PDSS2: variants seen among roughly 807,000 people sequenced by gnomAD.
PDSS2 encodes all trans-polyprenyl-diphosphate synthase PDSS2.
Under a neutral mutation model 44.5 loss-of-function variants are expected in PDSS2, and 31 were observed. The ratio of observed to expected loss-of-function variants is 0.70; its 90% CI spans 0.52 to 0.94. The LOEUF (loss-of-function observed/expected upper bound fraction) is 0.94, where lower values mean the gene tolerates loss of function less well. Ranked by LOEUF, PDSS2 falls within the 40% of genes least tolerant of loss-of-function variation. The pLI, the probability that PDSS2 is intolerant of heterozygous loss-of-function variation, is 0.00. For synonymous variants in PDSS2, 157 were observed against 180.3 expected (o/e 0.87, Z 1.03); for missense variants, 452 against 482.2 (o/e 0.94, Z 0.59).
chr6:107,350,008 C>G (rs755283276), intron 1 of PDSS2, among the ~76,000 whole-genome samples: 2 of 152,170 alleles, frequency 1.3e-5, no homozygotes, highest in Non-Finnish European at 2.9e-5. Flanking sequence ...ATGGCCTTTA[C>G]AATTTCGAAA....
intron 1 of PDSS2, among the ~76,000 whole-genome samples, chr6:107,424,544 G>C (rs1780929206): frequency 6.6e-6 from 1 of 151,830 alleles, no homozygotes; most frequent in South Asian, 2.1e-4. Context: ...TCAACACTTA[G>C]CTATTATTTC....
intron 7 of PDSS2, among the ~76,000 whole-genome samples, chr6:107,160,075 G>C (rs1554246453): frequency 1.3e-5 from 2 of 152,192 alleles, no homozygotes; most frequent in South Asian, 2.1e-4. Context: ...AATTAGCTGG[G>C]CATGGTGCCG....
intron 3 of PDSS2, among the ~76,000 whole-genome samples, chr6:107,262,918 A>G (rs1473042028): frequency 1.3e-5 from 2 of 152,138 alleles, no homozygotes; most frequent in Non-Finnish European, 2.9e-5. Context: ...AGGTAGTGAG[A>G]CCTTGTCTCT....
At chr6:107,211,666 G>A (rs1266859083) in intron 5 of PDSS2, among the ~76,000 whole-genome samples, 1 of 149,498 alleles carries the variant, frequency 6.7e-6, no homozygotes, top group Admixed American at 6.7e-5. Context: ...GGAGGCAGAG[G>A]TTGCGTTGCA....
chr6:107,429,892 AAAAAAAAAAATATATAT>A (rs1219579743), intron 1 of PDSS2, among the ~76,000 whole-genome samples: 2 of 43,210 alleles, frequency 4.6e-5, no homozygotes, highest in East Asian at 1.7e-3. Context: ...CTCAAAAAAA[AAAAAAAAAAATATATAT>A]ATATATATAT....
Position 107,383,068 on chromosome 6 carries a change from G to A in PDSS2, c.297-48736C>T, listed in dbSNP as rs150894541. ...TGTAATCCCAACACTTTGGGAGGCC[G>A]AGGCAGGCAGATCATTTGAGGCCAG... On this transcript the variant is annotated intron_variant, in intron 1 of 7. Coordinates refer to ENST00000369037, the MANE Select transcript of PDSS2 (RefSeq NM_020381.4). 5.0e-3 allele frequency among the ~76,000 whole-genome samples: 752 copies of A among 151,714 alleles called. 7 individuals carry two copies. Among genetic ancestry groups the A allele is most frequent in the Middle Eastern group, 0.017 (5 of 294 alleles).
intron 2 of PDSS2, among the ~76,000 whole-genome samples, chr6:107,301,966 CTA>C (rs2115067978): frequency 6.9e-6 from 1 of 145,486 alleles, no homozygotes; most frequent in South Asian, 2.2e-4. Context: ...GGTAATGACT[CTA>C]TATGGGCTTA....
chr6:107,349,431 T>TA (rs1472599630), intron 1 of PDSS2, among the ~76,000 whole-genome samples: 1 of 132,118 alleles, frequency 7.6e-6, no homozygotes, highest in African/African-American at 3.0e-5. Context: ...AGACTCCATC[T>TA]CAAAAAAAAA....
At chr6:107,327,863 C>T (rs1355190282) in intron 2 of PDSS2, among the ~76,000 whole-genome samples, 1 of 152,190 alleles carries the variant, frequency 6.6e-6, no homozygotes, top group Non-Finnish European at 1.5e-5. Context: ...GGTTATAGCT[C>T]ACATCCTGAA....
intron 1 of PDSS2, among the ~76,000 whole-genome samples, chr6:107,391,930 C>T (rs530279807): frequency 2.0e-5 from 3 of 151,986 alleles, no homozygotes; most frequent in Admixed American, 2.0e-4. Flanking sequence ...AACCTCCTAC[C>T]CAGAATTTAA....
intron 1 of PDSS2, among the ~76,000 whole-genome samples, chr6:107,336,772 G>C (rs1282284960): frequency 6.6e-6 from 1 of 150,678 alleles, no homozygotes. Context: ...ATAATAAAGA[G>C]AAGGTCTGAA....
intron 1 of PDSS2, among the ~76,000 whole-genome samples, chr6:107,455,419 T>C (rs1189831329): frequency 6.6e-6 from 1 of 151,732 alleles, no homozygotes; most frequent in Non-Finnish European, 1.5e-5. Context: ...GACACTATCA[T>C]TTCCATCAAA....
intron 2 of PDSS2, among the ~76,000 whole-genome samples, chr6:107,317,564 T>C (rs1392131045): frequency 6.6e-6 from 1 of 152,180 alleles, no homozygotes; most frequent in Non-Finnish European, 1.5e-5. Context: ...AGACAGCATA[T>C]AGATTACAAC....
intron 1 of PDSS2, among the ~76,000 whole-genome samples, chr6:107,389,311 C>T (rs966139416): frequency 2.0e-5 from 3 of 152,106 alleles, no homozygotes; most frequent in Admixed American, 6.5e-5. Flanking sequence ...AAATGTATGA[C>T]ATAATATCTC....
intron 1 of PDSS2, among the ~76,000 whole-genome samples, chr6:107,422,731 C>T (rs1169677397): frequency 2.0e-5 from 3 of 151,880 alleles, no homozygotes; most frequent in Non-Finnish European, 4.4e-5. Context: ...TTTTTATGGC[C>T]ATGCAGGCTA....
At chr6:107,270,262 C>T (rs1775556281) in intron 3 of PDSS2, among the ~76,000 whole-genome samples, 1 of 152,060 alleles carries the variant, frequency 6.6e-6, no homozygotes, top group African/African-American at 2.4e-5. Flanking sequence ...GCATGTGCCA[C>T]CACACTCGGC....
intron 1 of PDSS2, among the ~76,000 whole-genome samples, chr6:107,363,140 T>TA (rs1315142888): frequency 6.6e-6 from 1 of 152,186 alleles, no homozygotes; most frequent in Non-Finnish European, 1.5e-5. Context: ...GGCAAAGACT[T>TA]ACCAAATTTG....
Position 107,249,254 on chromosome 6 carries a change from G to T in PDSS2, c.631-3635C>A, listed in dbSNP as rs540591709. On this transcript the variant is annotated intron_variant, in intron 3 of 7. Transcript: ENST00000369037. ...TCTTCTTCCATACTGCCCTATTACC[G>T]TGCTATATTCAGTACAAGCCTTGCG... is the stretch of plus-strand genomic sequence containing the variant. Among the ~76,000 whole-genome samples the T allele has an allele frequency of 1.6e-4, 24 of 152,256 alleles. 1 individual carries two copies. Among genetic ancestry groups the T allele is most frequent in the Admixed American group, 1.5e-3 (23 of 15,288 alleles).
intron 7 of PDSS2, among the ~76,000 whole-genome samples, chr6:107,184,750 T>A (rs1772103906): frequency 6.6e-6 from 1 of 151,858 alleles, no homozygotes. Context: ...GCAGGGAGGA[T>A]GAGTCAAAAA....
Sources: allele counts gnomAD v4.1 joint callset (sites outside exome capture counted in the v4.1 genomes callset), GRCh38; gene constraint gnomAD v4.1.1; transcripts MANE v1.5; gene names NCBI Gene and HGNC (gene_info 2026-07-23, HGNC 2026-07-21).